The following FAM81B variants were observed in gnomAD, a reference collection of about 807,000 sequenced individuals.
The protein encoded by FAM81B is protein FAM81B.
FAM81B carries 60 observed loss-of-function variants against 58.7 expected under a neutral mutation model. That is an observed-to-expected ratio of 1.02 (90% CI 0.83 to 1.27). The LOEUF is 1.27. Ranked by LOEUF, FAM81B falls within the 50% of genes most tolerant of loss-of-function variation. The pLI, the probability that FAM81B is intolerant of heterozygous loss-of-function variation, is 0.00. For missense variants in FAM81B, 491 were observed against 522.0 expected (o/e 0.94, Z 0.58); for synonymous variants, 189 against 179.6 (o/e 1.05, Z -0.42).
chr5:95,416,318 A>G (rs992236722), intron 4 of FAM81B, among the ~76,000 whole-genome samples: 3 of 152,258 alleles, frequency 2.0e-5, no homozygotes, highest in Admixed American at 2.0e-4. Flanking sequence ...ACAGGTCCAT[A>G]AATGAAATGA....
intron 5 of FAM81B, among the ~76,000 whole-genome samples, chr5:95,427,658 CTAAT>C (rs1384257224): frequency 1.3e-5 from 2 of 152,028 alleles, no homozygotes; most frequent in Non-Finnish European, 2.9e-5. Flanking sequence ...AATGTATTTC[CTAAT>C]TAATATTATT....
intron 2 of FAM81B, among the ~76,000 whole-genome samples, chr5:95,395,038 A>G (rs887248928): frequency 2.4e-4 from 37 of 152,218 alleles, no homozygotes; most frequent in African/African-American, 8.7e-4. Flanking sequence ...TTTTTAACTG[A>G]GGTGGAATAC....
At chr5:95,420,141 T>A (rs1211926022) in intron 4 of FAM81B, 143 bp from the exon 5 acceptor site, 1 of 933,142 alleles carries the variant, frequency 1.1e-6, no homozygotes, top group Non-Finnish European at 1.6e-6. Context: ...AGAGATCACT[T>A]CTCTCTGAGA....
At chr5:95,432,459 T>C (rs1744940932) in intron 6 of FAM81B, among the ~76,000 whole-genome samples, 1 of 152,140 alleles carries the variant, frequency 6.6e-6, no homozygotes, top group African/African-American at 2.4e-5. Context: ...ATAAGTATTC[T>C]TTAAGGATTT....
chr5:95,420,362 C>T lies in FAM81B; in HGVS notation c.616C>T (p.His206Tyr). The change falls in exon 5 of 10, where the codon CAC becomes TAC. Residue 206 changes from histidine to tyrosine, a missense_variant. His to Tyr is a moderately conservative substitution (Grantham distance 83). Transcript: ENST00000283357. ...NFAVHEINIK[H>Y]LQGVGDLRGR... is the part of the protein sequence containing the mutation. ...TGCAGTACACGAGATAAACATCAAA[C>T]ACCTACAAGGAGTTGGAGATCTTCG... is the stretch of plus-strand genomic sequence containing the variant. 6.2e-7 allele frequency: 1 copy of T among 1,613,856 alleles called. No homozygotes were observed. Among genetic ancestry groups the T allele is most frequent in the Non-Finnish European group, 8.5e-7 (1 of 1,179,794 alleles).
intron 3 of FAM81B, among the ~76,000 whole-genome samples, chr5:95,398,606 G>A (rs189518877): frequency 6.6e-6 from 1 of 151,948 alleles, no homozygotes; most frequent in Non-Finnish European, 1.5e-5. Context: ...AACCTATATG[G>A]GTATATTTAC....
intron 7 of FAM81B, among the ~76,000 whole-genome samples, chr5:95,439,815 T>A (rs1745261364): frequency 1.3e-5 from 2 of 152,204 alleles, no homozygotes. Context: ...TAACTTTCTC[T>A]GAATAAAGAG....
Position 95,413,931 on chromosome 5 carries a change from T to C in FAM81B, c.294-16T>C, listed in dbSNP as rs1466837026. ...CTTGTAATGCCCTGGTGTTTCCTTTTCCTTTTTCTGATCAGGAGTCATGCT... is the reference window on the plus strand; with the variant it reads ...CTTGTAATGCCCTGGTGTTTCCTTTCCCTTTTTCTGATCAGGAGTCATGCT... On this transcript the variant is annotated splice_polypyrimidine_tract_variant and intron_variant, in intron 3 of 9. Coordinates refer to ENST00000283357, the MANE Select transcript of FAM81B (RefSeq NM_152548.3). The C allele has an allele frequency of 6.2e-7, 1 of 1,602,544 alleles. No homozygotes were observed. The highest frequency in any genetic ancestry group is 1.1e-5 in the South Asian group (1 of 89,116).
chr5:95,396,900 C>G (rs1051013495), intron 3 of FAM81B: 1 of 152,128 alleles, frequency 6.6e-6, no homozygotes, highest in Non-Finnish European at 1.5e-5. Flanking sequence ...TGTCTCTGGG[C>G]TTTAGTTTTT....
chr5:95,403,928 G>A (rs1227349792), intron 3 of FAM81B, among the ~76,000 whole-genome samples: 1 of 152,182 alleles, frequency 6.6e-6, no homozygotes, highest in East Asian at 1.9e-4. Flanking sequence ...CAGGAAGGAT[G>A]AATCAAGTCA....
intron 7 of FAM81B, among the ~76,000 whole-genome samples, chr5:95,438,419 G>A (rs1485043950): frequency 1.3e-5 from 2 of 152,146 alleles, no homozygotes; most frequent in South Asian, 4.1e-4. Context: ...CTGACTTAAA[G>A]GGATGAGGTA....
At chr5:95,408,905 G>A (rs1454181347) in intron 3 of FAM81B, among the ~76,000 whole-genome samples, 4 of 152,158 alleles carry the variant, frequency 2.6e-5, no homozygotes, top group Non-Finnish European at 5.9e-5. Context: ...TGATTCTCAG[G>A]TTCTAGAATT....
At chr5:95,426,941 C>T (rs940843516) in intron 5 of FAM81B, among the ~76,000 whole-genome samples, 15 of 152,008 alleles carry the variant, frequency 9.9e-5, no homozygotes, top group Admixed American at 2.6e-4. Flanking sequence ...CCTAGCTACT[C>T]GGGAGGGTGA....
At chr5:95,399,480 G>GCCCCC (rs112271049) in intron 3 of FAM81B, among the ~76,000 whole-genome samples, 21 of 149,904 alleles carry the variant, frequency 1.4e-4, no homozygotes, top group African/African-American at 3.2e-4. Flanking sequence ...TTCTTTTCAT[G>GCCCCC]CCCCCCCCCA....
chr5:95,437,616 C>T (rs1329833000), intron 7 of FAM81B, among the ~76,000 whole-genome samples: 3 of 152,156 alleles, frequency 2.0e-5, no homozygotes, highest in African/African-American at 4.8e-5. Flanking sequence ...GGATTACAGG[C>T]GTGAGCCACT....
intron 3 of FAM81B, among the ~76,000 whole-genome samples, chr5:95,400,968 A>G (rs1004603372): frequency 6.7e-6 from 1 of 150,018 alleles, no homozygotes; most frequent in Admixed American, 6.7e-5. Flanking sequence ...AGGTATCTCA[A>G]GAGGGCCACA....
intron 4 of FAM81B, 72 bp from the exon 5 acceptor site, chr5:95,420,211 AC>A (rs1762640706): frequency 3.8e-6 from 6 of 1,590,008 alleles, no homozygotes; most frequent in Non-Finnish European, 5.1e-6. Context: ...CATTTAGGTA[AC>A]CCCTGCTTTA....
chr5:95,408,892 T>G (rs1284413081), intron 3 of FAM81B, among the ~76,000 whole-genome samples: 1 of 152,196 alleles, frequency 6.6e-6, no homozygotes, highest in Admixed American at 6.5e-5. Flanking sequence ...TCTTCCCTCT[T>G]TCTGATTCTC....
intron 3 of FAM81B, among the ~76,000 whole-genome samples, chr5:95,407,284 A>G (rs2152762116): frequency 6.6e-6 from 1 of 151,644 alleles, no homozygotes; most frequent in East Asian, 1.9e-4. Context: ...ACACACACAC[A>G]CACACACACG....
Sources: allele counts gnomAD v4.1 joint callset (sites outside exome capture counted in the v4.1 genomes callset), GRCh38; gene constraint gnomAD v4.1.1; transcripts MANE v1.5; gene names NCBI Gene and HGNC (gene_info 2026-07-23, HGNC 2026-07-21).